The following MALRD1 variants were observed in gnomAD, a reference collection of about 807,000 sequenced individuals.
MALRD1 encodes MAM and LDL receptor class A domain containing 1.
Under a neutral mutation model 242.1 loss-of-function variants are expected in MALRD1, and 247 were observed. The observed-to-expected ratio is 1.02, with a 90% CI of 0.92 to 1.13. The LOEUF is 1.13. Among genes scored for constraint, MALRD1 ranks in the 50% most tolerant of loss-of-function variants. The pLI is 0.00. For missense variants in MALRD1, 2,989 were observed against 2,533.1 expected, an observed-to-expected ratio of 1.18 and a Z score of -3.86; for synonymous variants, 995 against 866.6, an observed-to-expected ratio of 1.15 and a Z score of -2.60.
intron 28 of MALRD1, among the ~76,000 whole-genome samples, chr10:19,425,674 A>T (rs1034322245): frequency 2.0e-5 from 3 of 152,122 alleles, no homozygotes; most frequent in African/African-American, 7.2e-5. Context: ...TTCTCCTGAG[A>T]TGTTTAAAAC....
At chr10:19,413,027 A>C (rs1280982209) in intron 28 of MALRD1, among the ~76,000 whole-genome samples, 2 of 152,178 alleles carry the variant, frequency 1.3e-5, no homozygotes, top group African/African-American at 4.8e-5. Context: ...TTATGTAAAG[A>C]GATGGAAATC....
At chr10:19,098,250 G>A (rs1017898243) in intron 4 of MALRD1, among the ~76,000 whole-genome samples, 2 of 152,128 alleles carry the variant, frequency 1.3e-5, no homozygotes. Flanking sequence ...TGAATGTCTG[G>A]ATTGTTAAAC....
At chr10:19,452,982 G>T (rs1283388593) in intron 29 of MALRD1, among the ~76,000 whole-genome samples, 1 of 152,032 alleles carries the variant, frequency 6.6e-6, no homozygotes, top group Admixed American at 6.6e-5. Context: ...TTCATCATAC[G>T]TTTACATGAA....
intron 36 of MALRD1, among the ~76,000 whole-genome samples, chr10:19,632,540 G>T (rs1374845212): frequency 6.6e-6 from 1 of 151,976 alleles, no homozygotes. Flanking sequence ...ATAAAAATCT[G>T]GCTTAAAAAC....
chr10:19,218,303 G>C (rs555508094), intron 18 of MALRD1, among the ~76,000 whole-genome samples: 132 of 152,160 alleles, frequency 8.7e-4, no homozygotes, highest in African/African-American at 3.0e-3. Context: ...TTACATTCCA[G>C]TAGTAGTTTT....
In MALRD1 at chr10:19,209,432, G is replaced by A; in HGVS notation, c.2743G>A (p.Glu915Lys). The change falls in exon 18 of 40, where the codon GAA (glutamate) becomes AAA (lysine). Residue 915 changes from glutamate (E) to lysine (K), a missense_variant. Glu to Lys is a moderately conservative substitution (Grantham distance 56). Coordinates refer to ENST00000454679, the MANE Select transcript of MALRD1 (RefSeq NM_001142308.3). ...AGCTAAAGGACACTATCTCTACATAGAATCTTCAGAGCCACAGGCTTTTCA... is the reference window on the plus strand; with the variant it reads ...AGCTAAAGGACACTATCTCTACATAAAATCTTCAGAGCCACAGGCTTTTCA... ...GTAKGHYLYI[E>K]SSEPQAFQDS... 2.6e-6 allele frequency: 4 copies of A among 1,550,942 alleles called. No individual in the cohort carries two copies. Among genetic ancestry groups the A allele is most frequent in the Non-Finnish European group, 3.5e-6 (4 of 1,147,066 alleles).
intron 28 of MALRD1, among the ~76,000 whole-genome samples, chr10:19,437,830 C>T (rs1834413884): frequency 6.6e-6 from 1 of 152,030 alleles, no homozygotes; most frequent in Admixed American, 6.6e-5. Context: ...ACATATTTGG[C>T]TTCTAGAAAT....
At chr10:19,176,366 CTT>C (rs11443184) in intron 14 of MALRD1, among the ~76,000 whole-genome samples, 22 of 87,290 alleles carry the variant, frequency 2.5e-4, no homozygotes, top group African/African-American at 6.1e-4. Flanking sequence ...TTTCTGGGTG[CTT>C]TTTTTTTTTT....
chr10:19,148,509 G>C (rs956899797), intron 11 of MALRD1, among the ~76,000 whole-genome samples: 1 of 151,876 alleles, frequency 6.6e-6, no homozygotes, highest in Non-Finnish European at 1.5e-5. Flanking sequence ...AGAAGACTAG[G>C]AAAAACACCA....
chr10:19,411,181 T>G (rs1833263111), intron 28 of MALRD1, among the ~76,000 whole-genome samples: 1 of 152,184 alleles, frequency 6.6e-6, no homozygotes, highest in Non-Finnish European at 1.5e-5. Context: ...CCTGAAAATA[T>G]AAAATTCAAG....
At chr10:19,544,751 T>G (rs987799311) in intron 32 of MALRD1, among the ~76,000 whole-genome samples, 1 of 152,126 alleles carries the variant, frequency 6.6e-6, no homozygotes, top group Non-Finnish European at 1.5e-5. Flanking sequence ...GTGCAAATCA[T>G]TTCTCTACCT....
chr10:19,134,970 A>G (rs1397537805), intron 9 of MALRD1, among the ~76,000 whole-genome samples: 1 of 152,282 alleles, frequency 6.6e-6, no homozygotes, highest in Non-Finnish European at 1.5e-5. Context: ...ATATACAGCT[A>G]TACATTAATA....
At chr10:19,531,426 A>G in intron 32 of MALRD1, 75 bp downstream of exon 32, 1 of 1,365,542 alleles carries the variant, frequency 7.3e-7, no homozygotes, top group East Asian at 2.7e-5. Context: ...CCCTTGTCTT[A>G]TTTGTATTTT....
intron 30 of MALRD1, among the ~76,000 whole-genome samples, chr10:19,496,975 A>G (rs1837747314): frequency 6.6e-6 from 1 of 152,162 alleles, no homozygotes; most frequent in South Asian, 2.1e-4. Context: ...GATTGAGTGA[A>G]TGAAATGTAA....
At chr10:19,184,115 A>G (rs1042124320) in intron 14 of MALRD1, among the ~76,000 whole-genome samples, 3 of 152,236 alleles carry the variant, frequency 2.0e-5, no homozygotes, top group Admixed American at 2.0e-4. Flanking sequence ...TTGCCTGGAC[A>G]TAGCGAAATT....
At chr10:19,223,515 TATTTAC>T (rs1361193436) in intron 18 of MALRD1, among the ~76,000 whole-genome samples, 5 of 152,192 alleles carry the variant, frequency 3.3e-5, no homozygotes, top group African/African-American at 9.7e-5. Context: ...ATTTTCAATT[TATTTAC>T]ATTTACATTT....
intron 18 of MALRD1, among the ~76,000 whole-genome samples, chr10:19,249,202 G>GA (rs1406675542): frequency 3.3e-5 from 5 of 151,492 alleles, no homozygotes; most frequent in Non-Finnish European, 5.9e-5. Context: ...TGAAGGAAAG[G>GA]ACTTGGAAAT....
intron 28 of MALRD1, among the ~76,000 whole-genome samples, chr10:19,417,629 T>C (rs1833560985): frequency 6.6e-6 from 1 of 152,186 alleles, no homozygotes; most frequent in African/African-American, 2.4e-5. Flanking sequence ...AGCAGAGATC[T>C]CTAAAGCTAT....
At chr10:19,666,859 TTAA>T (rs1841703076) in intron 36 of MALRD1, among the ~76,000 whole-genome samples, 1 of 152,074 alleles carries the variant, frequency 6.6e-6, no homozygotes, top group South Asian at 2.1e-4. Context: ...ACAAAAAAAG[TTAA>T]TAACATTTTA....
Sources: allele counts gnomAD v4.1 joint callset (sites outside exome capture counted in the v4.1 genomes callset), GRCh38; gene constraint gnomAD v4.1.1; transcripts MANE v1.5; gene names NCBI Gene and HGNC (gene_info 2026-07-23, HGNC 2026-07-21).